KANSL1: variants seen among roughly 807,000 people sequenced by gnomAD.
The protein encoded by KANSL1 is MLL1/MLL complex subunit KANSL1.
Under a neutral mutation model 103.6 loss-of-function variants are expected in KANSL1, and 22 were observed. The observed-to-expected ratio is 0.21, with a 90% CI of 0.15 to 0.30. KANSL1 has a LOEUF of 0.30. Among genes scored for constraint, KANSL1 ranks in the 10% least tolerant of loss-of-function variants. KANSL1 has a pLI of 1.00. For missense variants in KANSL1, 1,337 were observed against 1,399.8 expected, an observed-to-expected ratio of 0.96 and a Z score of 0.72; for synonymous variants, 600 against 527.6, an observed-to-expected ratio of 1.14 and a Z score of -1.88.
intron 2 of KANSL1, among the ~76,000 whole-genome samples, chr17:46,129,755 C>CA (rs1445470411): frequency 1.3e-5 from 2 of 152,068 alleles, no homozygotes; most frequent in Non-Finnish European, 2.9e-5. Context: ...GAATAAGATT[C>CA]AGATTGGACA....
At chr17:46,223,906 A>T (rs1355414031), upstream of KANSL1, 13 of 150,974 alleles carry the variant, frequency 8.6e-5, no homozygotes, top group Non-Finnish European at 1.8e-4. Context: ...GCCTCATCGC[A>T]CTAAAAAAGT....
chr17:46,063,607 T>C (rs1185804390), intron 6 of KANSL1, among the ~76,000 whole-genome samples: 1 of 152,244 alleles, frequency 6.6e-6, no homozygotes, highest in Non-Finnish European at 1.5e-5. Flanking sequence ...CAGCTTACTT[T>C]TGTGTCAGGA....
At chr17:46,055,818 A>C (rs1330653515) in intron 6 of KANSL1, among the ~76,000 whole-genome samples, 5 of 152,156 alleles carry the variant, frequency 3.3e-5, no homozygotes, top group Non-Finnish European at 7.3e-5. Flanking sequence ...AAATTGACCA[A>C]AGTATATATG....
At chr17:46,215,299 A>G (rs2048305118) in intron 1 of KANSL1, 1 of 152,558 alleles carries the variant, frequency 6.6e-6, no homozygotes, top group Non-Finnish European at 1.5e-5. Context: ...GGAACTGGGC[A>G]CAAGCTATCT....
intron 1 of KANSL1, among the ~76,000 whole-genome samples, chr17:46,206,147 A>G (rs2047964236): frequency 6.6e-6 from 1 of 152,060 alleles, no homozygotes; most frequent in African/African-American, 2.4e-5. Flanking sequence ...GGATCAGAAG[A>G]TACAACTCTG....
chr17:46,029,995 A>C lies in KANSL1; in HGVS notation c.*1481T>G, dbSNP rs986202187. ...GCACTAGTCTGTGCTTTGCGAACAGAATCAAGACATTAACAAAGATCAGCT... is the reference window on the plus strand; with the variant it reads ...GCACTAGTCTGTGCTTTGCGAACAGCATCAAGACATTAACAAAGATCAGCT... On this transcript the variant is annotated 3_prime_UTR_variant, in exon 15 of 15. Transcript: ENST00000432791. The C allele has an allele frequency of 6.6e-6, 1 of 152,192 alleles. No homozygotes were observed. Among genetic ancestry groups the C allele is most frequent in the African/African-American group, 2.4e-5 (1 of 41,330 alleles). 9.4% of individuals were successfully genotyped at this position (152,192 alleles called of 1,614,324 possible). A position where few individuals can be genotyped will look rare whatever the true frequency, so the allele number is the denominator to read the frequency against.
chr17:46,133,450 A>G (rs1214985178), intron 2 of KANSL1, among the ~76,000 whole-genome samples: 1 of 152,240 alleles, frequency 6.6e-6, no homozygotes, highest in Non-Finnish European at 1.5e-5. Flanking sequence ...ATGACAACAT[A>G]CTATGAAAAA....
chr17:46,117,503 A>C (rs1295619513), intron 2 of KANSL1, among the ~76,000 whole-genome samples: 2 of 152,230 alleles, frequency 1.3e-5, no homozygotes, highest in Non-Finnish European at 2.9e-5. Flanking sequence ...TGTTAAATAG[A>C]TATTAGTGAT....
chr17:46,074,727 G>A (rs1329188547), intron 4 of KANSL1, among the ~76,000 whole-genome samples: 3 of 151,424 alleles, frequency 2.0e-5, no homozygotes, highest in Non-Finnish European at 4.4e-5. Flanking sequence ...TTGCGACACT[G>A]CACTCCAGCC....
intron 3 of KANSL1, among the ~76,000 whole-genome samples, chr17:46,085,276 C>T (rs2079122685): frequency 6.6e-6 from 1 of 152,122 alleles, no homozygotes; most frequent in African/African-American, 2.4e-5. Flanking sequence ...TATATTTTAT[C>T]AGTCCAAATT....
chr17:46,033,435 G>C lies in KANSL1; in HGVS notation c.2692C>G (p.Leu898Val). ...TTCTCCTCATCAGGACTCCCCTTCA[G>C]AGACTGAAGATCAACCTCCCGCCAG... ...PSWREVDLQS[L>V]KGSPDEENEE... Residue 898 changes from leucine (L) to valine (V), a missense_variant, in exon 12 of 15, where the codon CTG becomes GTG. Around this residue, in one of 2 missense-constraint regions of KANSL1, gnomAD observed 780 missense variants for 923.4 expected, o/e 0.84. Coordinates refer to ENST00000432791, the MANE Select transcript of KANSL1 (RefSeq NM_015443.4). 6.2e-7 allele frequency: 1 copy of C among 1,614,156 alleles called. No individual in the cohort carries two copies. The highest frequency in any genetic ancestry group is 8.5e-7 in the Non-Finnish European group (1 of 1,180,022).
chr17:46,063,245 T>C (rs2078245796), intron 6 of KANSL1, among the ~76,000 whole-genome samples: 1 of 152,362 alleles, frequency 6.6e-6, no homozygotes, highest in Middle Eastern at 3.4e-3. Flanking sequence ...ATAATTTACC[T>C]GTTAACTTCT....
At chr17:46,213,554 C>T (rs187952623) in intron 1 of KANSL1, among the ~76,000 whole-genome samples, 76 of 151,288 alleles carry the variant, frequency 5.0e-4, no homozygotes, top group African/African-American at 1.7e-3. Context: ...ATGATGGGCC[C>T]GCCTCGGCCT....
At chr17:46,118,300 G>A (rs2043132131) in intron 2 of KANSL1, among the ~76,000 whole-genome samples, 1 of 152,216 alleles carries the variant, frequency 6.6e-6, no homozygotes, top group Non-Finnish European at 1.5e-5. Context: ...ACAAACACAA[G>A]ATCTGCCAGC....
At chr17:46,141,893 A>G (rs1179452797) in intron 2 of KANSL1, among the ~76,000 whole-genome samples, 2 of 152,140 alleles carry the variant, frequency 1.3e-5, no homozygotes, top group Non-Finnish European at 2.9e-5. Context: ...TTCTTTCTTT[A>G]TTTCTCTTTT....
At chr17:46,042,546 T>C (rs776964007) in intron 7 of KANSL1, 5 of 152,166 alleles carry the variant, frequency 3.3e-5, no homozygotes, top group South Asian at 2.1e-4. Context: ...TTAGACAATA[T>C]ACCTTGAGGC....
chr17:46,069,738 A>AGT (rs1440123555), intron 4 of KANSL1, among the ~76,000 whole-genome samples: 2 of 152,082 alleles, frequency 1.3e-5, no homozygotes, highest in East Asian at 3.9e-4. Context: ...AGAGAGAGAG[A>AGT]CTGTCTCCAA....
At chr17:46,212,461 C>T (rs1437824326) in intron 1 of KANSL1, among the ~76,000 whole-genome samples, 22 of 152,152 alleles carry the variant, frequency 1.4e-4, no homozygotes, top group Admixed American at 9.2e-4. Flanking sequence ...CCTCATAATC[C>T]GCCCACCTCG....
At chr17:46,063,323 T>C (rs2146622654) in intron 6 of KANSL1, among the ~76,000 whole-genome samples, 1 of 152,346 alleles carries the variant, frequency 6.6e-6, no homozygotes, top group Non-Finnish European at 1.5e-5. Context: ...GCAACCTGGC[T>C]GCCCTGAATA....
Sources: gnomAD v4.1 joint callset for allele counts (sites outside exome capture counted in the v4.1 genomes callset) on GRCh38, gnomAD v4.1.1 for gene constraint, gnomAD v4.1.1 regional missense constraint, MANE v1.5 for transcripts, NCBI Gene and HGNC (gene_info 2026-07-23, HGNC 2026-07-21) for gene names.